Variants in SERPINI1 observed in about 807,000 individuals in gnomAD.
The protein encoded by SERPINI1 is serpin family I member 1, also known as neuroserpin.
Under a neutral mutation model 41.1 loss-of-function variants are expected in SERPINI1, and 19 were observed. The observed-to-expected ratio is 0.46, with a 90% CI of 0.32 to 0.68. SERPINI1 has a LOEUF of 0.68. SERPINI1 is among the 30% of genes least tolerant of loss of function. The pLI is 0.03. For missense variants in SERPINI1, 460 were observed against 479.2 expected (o/e 0.96, Z 0.37); for synonymous variants, 138 against 156.6 (o/e 0.88, Z 0.89).
chr3:167,739,598 A>G (rs985097276), intron 1 of SERPINI1, among the ~76,000 whole-genome samples: 6 of 152,334 alleles, frequency 3.9e-5, no homozygotes, highest in African/African-American at 9.6e-5. Context: ...AATTTCACAG[A>G]CAGAAAAACC....
chr3:167,823,680 T>C (rs1712418844), intron 7 of SERPINI1, among the ~76,000 whole-genome samples: 1 of 152,192 alleles, frequency 6.6e-6, no homozygotes. Context: ...TTTGATGTGC[T>C]ATCAAATACT....
At chr3:167,788,497 G>A (rs1194408434) in intron 1 of SERPINI1, among the ~76,000 whole-genome samples, 1 of 152,128 alleles carries the variant, frequency 6.6e-6, no homozygotes, top group African/African-American at 2.4e-5. Flanking sequence ...GATTGTCACT[G>A]GGAGAGCAGC....
intron 6 of SERPINI1, among the ~76,000 whole-genome samples, chr3:167,819,184 T>G (rs1712227612): frequency 6.6e-6 from 1 of 152,114 alleles, no homozygotes; most frequent in South Asian, 2.1e-4. Context: ...ATTAGTATTA[T>G]TTTATTTTAC....
At chr3:167,780,585 C>G (rs377672948) in intron 1 of SERPINI1, among the ~76,000 whole-genome samples, 1 of 152,282 alleles carries the variant, frequency 6.6e-6, no homozygotes, top group South Asian at 2.1e-4. Context: ...TTAACTTGCA[C>G]AGATTTATCT....
At chr3:167,736,230 G>A (rs957237937) in intron 1 of SERPINI1, 1 of 152,170 alleles carries the variant, frequency 6.6e-6, no homozygotes, top group African/African-American at 2.4e-5. Context: ...CTTCTTCAGT[G>A]TCTACCCTTT....
chr3:167,812,154 G>A (rs1711911254), intron 6 of SERPINI1, among the ~76,000 whole-genome samples: 1 of 152,042 alleles, frequency 6.6e-6, no homozygotes, highest in Admixed American at 6.6e-5. Flanking sequence ...TATTTCAATA[G>A]CCTTCTAAAC....
chr3:167,803,417 A>ACG (rs1404200458), intron 5 of SERPINI1, among the ~76,000 whole-genome samples: 1 of 152,160 alleles, frequency 6.6e-6, no homozygotes, highest in Admixed American at 6.5e-5. Context: ...ACGACACCCT[A>ACG]ACATCTATAA....
At chr3:167,750,328 G>A (rs1688276956) in intron 1 of SERPINI1, among the ~76,000 whole-genome samples, 1 of 152,162 alleles carries the variant, frequency 6.6e-6, no homozygotes, top group Non-Finnish European at 1.5e-5. Context: ...CTTCTTCCCA[G>A]GTTGAATTTA....
At position 167,815,938 on chromosome 3, in the gene SERPINI1, C is replaced by T. The variant is rs1358260982; in HGVS notation, c.980-7048C>T. Among the ~76,000 whole-genome samples the T allele has an allele frequency of 5.3e-5, 8 of 152,294 alleles. No homozygotes were observed. In the East Asian group the frequency reaches 7.7e-4, roughly 15 times the overall value. The stretch of plus-strand genomic sequence containing the variant: ...AATCAGATTTTGAAGTCTTTTAGCA[C>T]GTATGTGGCCTTTGCACTTTTTCCC... On this transcript the variant is annotated intron_variant, in intron 6 of 8. Transcript: ENST00000446050.
intron 5 of SERPINI1, among the ~76,000 whole-genome samples, chr3:167,801,099 T>C (rs1218772936): frequency 6.6e-6 from 1 of 152,268 alleles, no homozygotes; most frequent in Non-Finnish European, 1.5e-5. Context: ...ATTACAGGCA[T>C]GGGCCACTGC....
intron 5 of SERPINI1, among the ~76,000 whole-genome samples, chr3:167,805,070 A>G (rs989653497): frequency 2.0e-5 from 3 of 152,166 alleles, no homozygotes; most frequent in Non-Finnish European, 4.4e-5. Flanking sequence ...ACATTTATAT[A>G]TAATAATTCA....
chr3:167,811,307 A>G (rs1200581962), intron 6 of SERPINI1, among the ~76,000 whole-genome samples: 1 of 151,706 alleles, frequency 6.6e-6, no homozygotes, highest in African/African-American at 2.4e-5. Flanking sequence ...CTCCACAACA[A>G]AGGATTATCC....
chr3:167,754,948 CTTCT>C (rs1490446105), intron 1 of SERPINI1, among the ~76,000 whole-genome samples: 1 of 152,144 alleles, frequency 6.6e-6, no homozygotes, highest in Non-Finnish European at 1.5e-5. Flanking sequence ...CCTCCTCTTC[CTTCT>C]TTCTTTCTTT....
At chr3:167,816,309 G>A (rs1712087765) in intron 6 of SERPINI1, among the ~76,000 whole-genome samples, 1 of 152,140 alleles carries the variant, frequency 6.6e-6, no homozygotes, top group South Asian at 2.1e-4. Flanking sequence ...GCCTCCCGTA[G>A]TGCTGGGACT....
At chr3:167,822,588 T>A (rs73878787) in intron 6 of SERPINI1, among the ~76,000 whole-genome samples, 18 of 152,144 alleles carry the variant, frequency 1.2e-4, no homozygotes, top group Non-Finnish European at 8.8e-5. Flanking sequence ...AAGGAAAAAA[T>A]TTTTTATTCT....
At chr3:167,786,332 G>A (rs62279569) in intron 1 of SERPINI1, among the ~76,000 whole-genome samples, 19,079 of 151,432 alleles carry the variant, frequency 0.13, 1,440 homozygotes, top group African/African-American at 0.21. Flanking sequence ...GTGAAACCCC[G>A]TCTCTACTAA....
chr3:167,756,333 G>C (rs998859477), intron 1 of SERPINI1, among the ~76,000 whole-genome samples: 1 of 151,974 alleles, frequency 6.6e-6, no homozygotes, highest in South Asian at 2.1e-4. Flanking sequence ...GTCTCACTCT[G>C]CTTGCCCAGG....
intron 6 of SERPINI1, among the ~76,000 whole-genome samples, chr3:167,820,812 G>A (rs1712297698): frequency 6.6e-6 from 1 of 152,230 alleles, no homozygotes; most frequent in African/African-American, 2.4e-5. Flanking sequence ...GGGATGACCT[G>A]AGGCCTGGGG....
intron 6 of SERPINI1, among the ~76,000 whole-genome samples, chr3:167,815,039 C>T (rs1386075584): frequency 1.3e-5 from 2 of 152,184 alleles, no homozygotes; most frequent in African/African-American, 2.4e-5. Context: ...CCTTCATACC[C>T]CTTTGCATTC....
Sources: gnomAD v4.1 joint callset for allele counts (sites outside exome capture counted in the v4.1 genomes callset) on GRCh38, gnomAD v4.1.1 for gene constraint, MANE v1.5 for transcripts, NCBI Gene and HGNC (gene_info 2026-07-23, HGNC 2026-07-21) for gene names.